The following GNA15 variants were observed in gnomAD, a reference collection of about 807,000 sequenced individuals.
GNA15 encodes G protein subunit alpha 15.
A neutral mutation model predicts 40.1 loss-of-function variants in GNA15; 23 were observed. That is an observed-to-expected ratio of 0.57 (90% CI 0.41 to 0.81). The LOEUF (loss-of-function observed/expected upper bound fraction) is 0.81. GNA15 is among the 40% of genes least tolerant of loss of function. GNA15 has a pLI of 0.00. For missense variants in GNA15, 522 were observed against 515.8 expected (o/e 1.01, Z -0.12); for synonymous variants, 226 against 210.4 (o/e 1.07, Z -0.64).
At chr19:3,137,896 G>A (rs1327788100) in intron 1 of GNA15, among the ~76,000 whole-genome samples, 2 of 152,104 alleles carry the variant, frequency 1.3e-5, no homozygotes, top group Admixed American at 1.3e-4. Context: ...AGGAGGCAGA[G>A]GTTGCAGTGA....
rs756296808 is a variant in GNA15, at chr19:3,136,620, G to A, written c.145+25G>A. 13 of 1,544,548 alleles carry A rather than the reference G, an allele frequency of 8.4e-6. No homozygotes were observed. Among genetic ancestry groups the A allele is most frequent in the Non-Finnish European group, 1.0e-5 (12 of 1,143,062 alleles). ...GGTGAGTCCAGGGTCGGTGGGCGGT[G>A]GGTGGTGGGCAGTGGGCGGTGGCCA... On this transcript the variant is annotated intron_variant, in intron 1 of 6. Coordinates refer to ENST00000262958, the MANE Select transcript of GNA15 (RefSeq NM_002068.4). This position sits in a 1 kb window ranked among gnomAD's most constrained non-coding sequence, Gnocchi z 4.9.
intron 5 of GNA15, 78 bp downstream of exon 5, chr19:3,156,030 A>G (rs1383500406): frequency 2.2e-6 from 3 of 1,375,968 alleles, no homozygotes; most frequent in Non-Finnish European, 3.1e-6. Flanking sequence ...TGGTGCAGAA[A>G]GGGAGGGATC....
At position 3,156,653 on chromosome 19, in the gene GNA15, C is replaced by T. The variant is rs373083747; in HGVS notation, c.744+701C>T. 4.6e-5 allele frequency among the ~76,000 whole-genome samples: 7 copies of T among 151,966 alleles called. No individual in the cohort carries two copies. In the South Asian group the frequency reaches 1.0e-3, roughly 22 times the overall value. ...GATTACAGGCACCCGCCACCACGCT[C>T]GGCTAATTTTTTTTTTGTATTCTTA... On this transcript the variant is annotated intron_variant, in intron 5 of 6. Transcript: ENST00000262958.
chr19:3,146,876 A>C (rs1465568456), intron 1 of GNA15, among the ~76,000 whole-genome samples: 1 of 151,786 alleles, frequency 6.6e-6, no homozygotes, highest in East Asian at 1.9e-4. Context: ...CCTGCAACCC[A>C]CAAGGCCCAG....
chr19:3,138,626 CTTATTTTTATTT>C (rs773818698), intron 1 of GNA15, among the ~76,000 whole-genome samples: 1 of 151,976 alleles, frequency 6.6e-6, no homozygotes, highest in Non-Finnish European at 1.5e-5. Flanking sequence ...TTTTTCTTTT[CTTATTTTTATTT>C]TTATTTTTTT....
At chr19:3,142,484 A>G (rs1337511647) in intron 1 of GNA15, 4 of 151,848 alleles carry the variant, frequency 2.6e-5, no homozygotes, top group Admixed American at 6.6e-5. Context: ...AATAAAGCCA[A>G]CTGTTGCTTG....
chr19:3,152,560 C>CACCCTAACCCTA (rs1199159087), intron 4 of GNA15, among the ~76,000 whole-genome samples: 1 of 152,094 alleles, frequency 6.6e-6, no homozygotes, highest in Non-Finnish European at 1.5e-5. Flanking sequence ...GCCAGTGCAG[C>CACCCTAACCCTA]ACCCTAACCC....
rs922656213 is a variant in GNA15 at position 3,159,353 on chromosome 19, T to C, written c.898+1472T>C. Among the ~76,000 whole-genome samples, 14 of 148,144 alleles carry C rather than the reference T, an allele frequency of 9.5e-5. 1 individual carries two copies. The highest frequency in any genetic ancestry group is 6.1e-4 in the Admixed American group (9 of 14,876). On this transcript the variant is annotated intron_variant, in intron 6 of 6. Transcript: ENST00000262958. ...TTTTCTTTAATTTCTTTTCTTTTTT[T>C]TTTTTTTTTTGAGATGGAGTTTTGC...
chr19:3,140,044 A>AAAAAATCTATCTATCTATCTATGTATCT (rs71307196), intron 1 of GNA15, among the ~76,000 whole-genome samples: 1 of 124,054 alleles, frequency 8.1e-6, no homozygotes, highest in Non-Finnish European at 1.8e-5. Flanking sequence ...AAAAAAAAAA[A>AAAAAATCTATCTATCTATCTATGTATCT]ATCTATCTAT....
At position 3,150,271 on chromosome 19, in the gene GNA15, C is replaced by A; in HGVS notation, c.471C>A (p.Leu157=). 6.3e-7 allele frequency: 1 copy of A among 1,595,094 alleles called. No individual in the cohort carries two copies. The highest frequency in any genetic ancestry group is 8.5e-7 in the Non-Finnish European group (1 of 1,170,854). The change falls in exon 3 of 7, where the codon CTC becomes CTA. Residue 157 remains leucine (L), a synonymous_variant. Coordinates refer to ENST00000262958, the MANE Select transcript of GNA15 (RefSeq NM_002068.4). ...CYERRREFHL[L]DSAVYYLSHL... is the part of the protein sequence containing the mutation. ...AGCGTCGGCGGGAATTCCACCTGCTCGATTCAGCCGTGTAGTGAGTCTGGG... is the reference window on the plus strand; with the variant it reads ...AGCGTCGGCGGGAATTCCACCTGCTAGATTCAGCCGTGTAGTGAGTCTGGG...
chr19:3,140,338 G>C (rs1025373007), intron 1 of GNA15, among the ~76,000 whole-genome samples: 11 of 151,994 alleles, frequency 7.2e-5, no homozygotes, highest in Admixed American at 7.2e-4. Flanking sequence ...TTTGCTCTTG[G>C]TATCGATCAT....
rs367925901 is a variant in GNA15, at chr19:3,136,950, G to A, written c.145+355G>A. The stretch of plus-strand genomic sequence containing the variant: ...AATGATGAGCTCAGGTGTGCAACCC[G>A]TTCTGGCCAGCCCACCCGTAAGGGA... On this transcript the variant is annotated intron_variant, in intron 1 of 6. Transcript: ENST00000262958. The surrounding 1 kb of genome is among the most constrained non-coding windows in gnomAD (Gnocchi z 4.9). 7.2e-5 allele frequency among the ~76,000 whole-genome samples: 11 copies of A among 152,330 alleles called. No homozygotes were observed. The highest frequency in any genetic ancestry group is 1.0e-4 in the Non-Finnish European group (7 of 68,030).
At chr19:3,161,373 C>A (rs1483458086) in intron 6 of GNA15, among the ~76,000 whole-genome samples, 1 of 152,182 alleles carries the variant, frequency 6.6e-6, no homozygotes, top group African/African-American at 2.4e-5. Context: ...ATACAAGCAA[C>A]CATAGTAGAT....
chr19:3,147,562 AAAG>A (rs1914755968), intron 1 of GNA15, among the ~76,000 whole-genome samples: 2 of 94,242 alleles, frequency 2.1e-5, no homozygotes, highest in Admixed American at 1.2e-4. Flanking sequence ...AAAAAGAAAA[AAAG>A]AAAAAAGAAA....
intron 1 of GNA15, among the ~76,000 whole-genome samples, chr19:3,145,249 A>T (rs1291837349): frequency 1.3e-5 from 2 of 148,380 alleles, no homozygotes. Context: ...GGCTCACTGC[A>T]GCCTCAACCT....
intron 6 of GNA15, among the ~76,000 whole-genome samples, chr19:3,160,290 T>G (rs1439914529): frequency 6.6e-6 from 1 of 152,010 alleles, no homozygotes; most frequent in African/African-American, 2.4e-5. Context: ...CCATCTCATC[T>G]CTCTCTCCTC....
chr19:3,162,869 C>T lies in GNA15; in HGVS notation c.975C>T (p.Asp325=), dbSNP rs1459829771. ...CGAGGATGTACACCGGGTGCGTGGA[C>T]GGCCCCGAGGGCAGCAAGAAGGGCG... is the stretch of plus-strand genomic sequence containing the variant. ...MYTRMYTGCV[D]GPEGSKKGAR... is the part of the protein sequence containing the mutation. The change falls in exon 7 of 7, where the codon GAC becomes GAT. Residue 325 remains aspartate, a synonymous_variant. Coordinates refer to ENST00000262958, the MANE Select transcript of GNA15 (RefSeq NM_002068.4). The T allele has an allele frequency of 3.7e-6, 6 of 1,613,868 alleles. No individual in the cohort carries two copies. The South Asian group carries it at 4.4e-5, about 12-fold the overall frequency.
In GNA15 at chr19:3,136,458, G is replaced by A. The variant is rs75723333; in HGVS notation, c.8G>A (p.Arg3His). The A allele has an allele frequency of 5.7e-4, 889 of 1,549,518 alleles. 7 individuals are homozygous for A. The African/African-American group carries it at 0.011, about 19-fold the overall frequency. Residue 3 changes from arginine (R) to histidine (H), a missense_variant, in exon 1 of 7, where the codon CGC (arginine) becomes CAC (histidine). By Grantham distance (29) the Arg-to-His change is conservative. Transcript: ENST00000262958. This position sits in a 1 kb window ranked among gnomAD's most constrained non-coding sequence, Gnocchi z 4.9. MA[R>H]SLTWRCCPWC... ...GACTGAGGCCACCGCACCATGGCCC[G>A]CTCGCTGACCTGGCGCTGCTGCCCC...
intron 2 of GNA15, 65 bp downstream of exon 2, chr19:3,148,840 C>T (rs1051144755): frequency 4.1e-6 from 6 of 1,465,128 alleles, no homozygotes; most frequent in Non-Finnish European, 4.6e-6. Flanking sequence ...TCCCCAGACC[C>T]CGGAGCAGGG....
Sources: gnomAD v4.1 joint callset for allele counts (sites outside exome capture counted in the v4.1 genomes callset) on GRCh38, gnomAD v4.1.1 for gene constraint, Gnocchi (gnomAD v3.1) non-coding constraint, MANE v1.5 for transcripts, NCBI Gene and HGNC (gene_info 2026-07-23, HGNC 2026-07-21) for gene names.